Variants in COL6A1 observed in about 807,000 individuals in gnomAD.
The protein encoded by COL6A1 is collagen type VI alpha 1 chain.
COL6A1 carries 80 observed loss-of-function variants against 145.6 expected under a neutral mutation model. The ratio of observed to expected loss-of-function variants is 0.55; its 90% CI spans 0.46 to 0.66. The LOEUF (loss-of-function observed/expected upper bound fraction) is 0.66. Among genes scored for constraint, COL6A1 ranks in the 30% least tolerant of loss-of-function variants. The pLI is 0.00. For synonymous variants in COL6A1, 638 were observed against 622.8 expected, an observed-to-expected ratio of 1.02 and a Z score of -0.36; for missense variants, 1,364 against 1,473.8, an observed-to-expected ratio of 0.93 and a Z score of 1.22.
chr21:45,989,455 C>T (rs554793185), intron 9 of COL6A1, among the ~76,000 whole-genome samples, 153 bp from the exon 10 acceptor site: 4 of 152,296 alleles, frequency 2.6e-5, no homozygotes, highest in African/African-American at 9.6e-5. Flanking sequence ...CCAGCTCCAC[C>T]TTGGAGGGCC....
chr21:45,993,997 C>G lies in COL6A1; in HGVS notation c.1336-170C>G, dbSNP rs575784764. 1.1e-3 allele frequency among the ~76,000 whole-genome samples: 160 copies of G among 152,308 alleles called. 1 individual carries two copies. Among genetic ancestry groups the G allele is most frequent in the African/African-American group, 3.6e-3 (148 of 41,570 alleles). ...ATAGCCAGCCACGCCGATGGCCACG[C>G]ACGTGGGCCGAGGAAACGCTTGGCG... On this transcript the variant is annotated intron_variant, in intron 19 of 34. Transcript: ENST00000361866.
Position 45,989,556 on chromosome 21 carries a change from C to T in COL6A1, c.859-52C>T, listed in dbSNP as rs2077761486. 1.9e-6 allele frequency: 3 copies of T among 1,576,608 alleles called. No homozygotes were observed. The East Asian group carries it at 6.7e-5, about 35-fold the overall frequency. On this transcript the variant is annotated intron_variant, in intron 9 of 34. Coordinates refer to ENST00000361866, the MANE Select transcript of COL6A1 (RefSeq NM_001848.3). ...GGGGTGTGGGGCTGGGTGGGACTGG[C>T]CCCTGCCCCTGCTCCTCCGGGGGTG...
At chr21:45,991,900 C>G in intron 15 of COL6A1, 110 bp from the exon 16 acceptor site, 3 of 1,077,018 alleles carry the variant, frequency 2.8e-6, no homozygotes, top group South Asian at 2.8e-5. Flanking sequence ...CAGTGTTGGT[C>G]AGAGGGAGTG....
Position 46,004,389 on chromosome 21 carries a change from C to T in COL6A1, c.*376C>T, listed in dbSNP as rs1603595371. ...CTGCCCTGCCCTCCTGCCCGCCCTC[C>T]CTCCTGCCTGCGCAGCTCCTTCCCT... On this transcript the variant is annotated 3_prime_UTR_variant, in exon 35 of 35. Transcript: ENST00000361866. 1.1e-5 allele frequency: 4 copies of T among 373,154 alleles called. No individual in the cohort carries two copies. The highest frequency in any genetic ancestry group is 6.2e-5 in the East Asian group (1 of 16,018). The allele number at this position is 373,154 out of a possible 1,614,324, so 23.1% of individuals were successfully genotyped here.
Position 45,998,886 on chromosome 21 carries a change from C to T in COL6A1, c.1612-11C>T, listed in dbSNP as rs370801259. The T allele has an allele frequency of 4.6e-5, 71 of 1,553,302 alleles. No homozygotes were observed. Among genetic ancestry groups the T allele is most frequent in the African/African-American group, 2.9e-4 (21 of 73,448 alleles). On this transcript the variant is annotated splice_polypyrimidine_tract_variant and intron_variant, in intron 24 of 34. Coordinates refer to ENST00000361866, the MANE Select transcript of COL6A1 (RefSeq NM_001848.3). ...AACCCTTGTTAACCAAGTGCTCTCC[C>T]GTCACTGCAGGGCACGAAGGGCTAC...
chr21:45,986,824 G>GC, intron 4 of COL6A1, 120 bp from the exon 5 acceptor site: 1 of 1,521,172 alleles, frequency 6.6e-7, no homozygotes, highest in East Asian at 2.5e-5. Flanking sequence ...TGAGAGGCCA[G>GC]CCCCTCCTGC....
At chr21:45,985,139 GAC>G (rs1974544111) in intron 3 of COL6A1, among the ~76,000 whole-genome samples, 1 of 151,086 alleles carries the variant, frequency 6.6e-6, no homozygotes, top group South Asian at 2.1e-4. Flanking sequence ...GAGAGACAGA[GAC>G]AGAGACAGCG....
At chr21:45,990,197 C>T in intron 11 of COL6A1, 61 bp from the exon 12 acceptor site, 2 of 1,604,820 alleles carry the variant, frequency 1.2e-6, no homozygotes, top group Admixed American at 3.3e-5. Flanking sequence ...GGGCCTAAGC[C>T]AGGCTTGCCC....
intron 29 of COL6A1, 183 bp downstream of exon 29, chr21:46,000,950 C>A: frequency 2.4e-6 from 2 of 831,978 alleles, no homozygotes; most frequent in Non-Finnish European, 4.0e-6. Context: ...TGGGCTGGGC[C>A]CCGCCCTCTT....
intron 2 of COL6A1, 127 bp downstream of exon 2, chr21:45,982,890 G>A (rs555505730): frequency 5.1e-6 from 7 of 1,379,134 alleles, no homozygotes; most frequent in Non-Finnish European, 7.1e-6. Context: ...TGCCCTGACC[G>A]GGGCCCCTCC....
chr21:45,991,853 G>A (rs190779876), intron 15 of COL6A1, among the ~76,000 whole-genome samples, 157 bp from the exon 16 acceptor site: 1 of 152,310 alleles, frequency 6.6e-6, no homozygotes, highest in East Asian at 1.9e-4. Flanking sequence ...GTGCAGGGTT[G>A]TGGATGGCTG....
At chr21:45,997,642 T>G (rs977405817) in intron 21 of COL6A1, 58 bp from the exon 22 acceptor site, 10 of 1,557,950 alleles carry the variant, frequency 6.4e-6, no homozygotes, top group Admixed American at 5.7e-5. Flanking sequence ...AGGGCCCTGC[T>G]TCCCTCCAAG....
At chr21:45,998,371 T>C in intron 23 of COL6A1, 27 bp from the exon 24 acceptor site, 1 of 1,612,998 alleles carries the variant, frequency 6.2e-7, no homozygotes, top group Admixed American at 1.7e-5. Flanking sequence ...CAGAACCCGG[T>C]ATCACTGCCC....
chr21:45,993,639 G>A (rs1187211954), intron 19 of COL6A1, among the ~76,000 whole-genome samples: 2 of 152,194 alleles, frequency 1.3e-5, no homozygotes, highest in African/African-American at 4.8e-5. Flanking sequence ...CTCCCCAGTG[G>A]GGGGTGGGGG....
Position 46,003,102 on chromosome 21 carries a change from G to A in COL6A1, c.2435-18G>A, listed in dbSNP as rs550691133. 179 of 1,614,100 alleles carry A rather than the reference G, an allele frequency of 1.1e-4. 3 individuals are homozygous for A. The Admixed American group carries it at 2.7e-3, about 24-fold the overall frequency. ...GTGGAGCAGTGGGCTCACACTGCAC[G>A]GCTTTTCTCTTTTACAGACAAGAAG... On this transcript the variant is annotated intron_variant, in intron 33 of 34. Coordinates refer to ENST00000361866, the MANE Select transcript of COL6A1 (RefSeq NM_001848.3).
At position 45,992,187 on chromosome 21, in the gene COL6A1, C is replaced by T. The variant is rs1204582167; in HGVS notation, c.1206C>T (p.Pro402=). The T allele has an allele frequency of 3.1e-6, 5 of 1,613,694 alleles. No homozygotes were observed. The highest frequency in any genetic ancestry group is 4.2e-6 in the Non-Finnish European group (5 of 1,180,014). The change falls in exon 17 of 35, where the codon CCC becomes CCT. Residue 402 remains proline, a synonymous_variant. Coordinates refer to ENST00000361866, the MANE Select transcript of COL6A1 (RefSeq NM_001848.3). ...GDEGQPGEPG[P]PGEKGEAGDE... is the part of the protein sequence containing the mutation. ...AGGGCCAGCCGGGAGAGCCTGGGCC[C>T]CCCGGAGAGAAAGGAGAGGCGGGCG...
intron 29 of COL6A1, 99 bp from the exon 30 acceptor site, chr21:46,001,154 G>T (rs972877247): frequency 5.3e-6 from 8 of 1,510,542 alleles, no homozygotes; most frequent in Non-Finnish European, 6.3e-6. Context: ...CGTGTCAGGT[G>T]AGGATGTGGC....
Position 45,990,294 on chromosome 21 carries a change from GGCT to G in COL6A1, c.957+15_957+17del. 1.2e-6 allele frequency: 2 copies of G among 1,612,816 alleles called. No individual in the cohort carries two copies. On this transcript the variant is annotated intron_variant, in intron 12 of 34. Coordinates refer to ENST00000361866, the MANE Select transcript of COL6A1 (RefSeq NM_001848.3). ...ACCCAAGGGCTACAAGGTGAGCGTG[GGCT>G]GCTGGGAGGGGGGAGTTCTGCCCCC...
intron 3 of COL6A1, among the ~76,000 whole-genome samples, chr21:45,984,921 C>T (rs1166481265): frequency 7.2e-6 from 1 of 138,472 alleles, no homozygotes; most frequent in Non-Finnish European, 1.5e-5. Flanking sequence ...GAGACAGAGA[C>T]AGACAAACAG....
Sources: gnomAD v4.1 joint callset for allele counts (sites outside exome capture counted in the v4.1 genomes callset) on GRCh38, gnomAD v4.1.1 for gene constraint, MANE v1.5 for transcripts, NCBI Gene and HGNC (gene_info 2026-07-23, HGNC 2026-07-21) for gene names.